NSD1: variants seen among roughly 807,000 people sequenced by gnomAD.
NSD1 encodes the protein histone-lysine N-methyltransferase, H3 lysine-36 specific.
A neutral mutation model predicts 242.7 loss-of-function variants in NSD1; 26 were observed. The ratio of observed to expected loss-of-function variants is 0.11; its 90% CI spans 0.08 to 0.15. The LOEUF (loss-of-function observed/expected upper bound fraction) is 0.15. NSD1 is among the 10% of genes least tolerant of loss of function. NSD1 has a pLI of 1.00. For synonymous variants in NSD1, 1,106 were observed against 1,178.1 expected (o/e 0.94, Z 1.25); for missense variants, 2,495 against 3,272.8 (o/e 0.76, Z 5.80).
chr5:177,173,593 C>G lies in NSD1; in HGVS notation c.928-18291C>G, dbSNP rs186926466. ...GGTTCAAGCAATTCTCCTGCCTCAG[C>G]CTCCTGAGTAGCTGGGGTTACAGGC... On this transcript the variant is annotated intron_variant, in intron 2 of 22. Transcript: ENST00000439151. Among the ~76,000 whole-genome samples, 9 of 151,438 alleles carry G rather than the reference C, an allele frequency of 5.9e-5. No individual in the cohort carries two copies. The East Asian group carries it at 1.8e-3, about 30-fold the overall frequency.
At chr5:177,237,535 T>C (rs1026240037) in intron 6 of NSD1, among the ~76,000 whole-genome samples, 15 of 143,738 alleles carry the variant, frequency 1.0e-4, no homozygotes, top group Non-Finnish European at 2.1e-4. Context: ...TTTTATCTTT[T>C]TTTTTTTTTT....
At chr5:177,184,903 A>G (rs952846672) in intron 2 of NSD1, among the ~76,000 whole-genome samples, 8 of 152,238 alleles carry the variant, frequency 5.3e-5, no homozygotes, top group East Asian at 3.9e-4. Flanking sequence ...ATTCTTAAAT[A>G]TGGGTAGTTT....
At chr5:177,174,132 C>T (rs530028215) in intron 2 of NSD1, among the ~76,000 whole-genome samples, 24 of 151,932 alleles carry the variant, frequency 1.6e-4, no homozygotes, top group Admixed American at 8.5e-4. Context: ...TTTGGGAGTC[C>T]GAGGCGGGTG....
intron 2 of NSD1, among the ~76,000 whole-genome samples, chr5:177,183,282 A>G (rs147422628): frequency 2.6e-5 from 4 of 152,236 alleles, no homozygotes; most frequent in South Asian, 2.1e-4. Flanking sequence ...TCTAACTTTT[A>G]TATATGTATT....
chr5:177,247,643 ACTT>A (rs1287884764), intron 10 of NSD1, among the ~76,000 whole-genome samples: 1 of 152,096 alleles, frequency 6.6e-6, no homozygotes, highest in Non-Finnish European at 1.5e-5. Flanking sequence ...ACCATCAGCT[ACTT>A]AATCTTAGGA....
chr5:177,192,119 T>G (rs1305165930), intron 3 of NSD1, 100 bp downstream of exon 3: 4 of 1,085,176 alleles, frequency 3.7e-6, no homozygotes, highest in Non-Finnish European at 5.2e-6. Context: ...TTGGAACATT[T>G]TGTGAATGAA....
At position 177,211,498 on chromosome 5, in the gene NSD1, T is replaced by C. The variant is rs755053762; in HGVS notation, c.3099T>C (p.Ala1033=). 3.1e-6 allele frequency: 5 copies of C among 1,614,080 alleles called. No homozygotes were observed. The highest frequency in any genetic ancestry group is 4.2e-6 in the Non-Finnish European group (5 of 1,180,016). ...RSKPSSKLRD[A]FSAQMVKNTV... ...AGCCTTCATCCAAATTGCGAGATGCTTTTTCAGCCCAAATGGTAAAGAACA... is the reference window on the plus strand; with the variant it reads ...AGCCTTCATCCAAATTGCGAGATGCCTTTTCAGCCCAAATGGTAAAGAACA... Residue 1033 remains alanine, a synonymous_variant, in exon 5 of 23, where the codon GCT becomes GCC. Coordinates refer to ENST00000439151, the MANE Select transcript of NSD1 (RefSeq NM_022455.5).
At position 177,294,878 on chromosome 5, in the gene NSD1, G is replaced by T. The variant is rs1005975383; in HGVS notation, c.7510G>T (p.Val2504Phe). The T allele has an allele frequency of 1.2e-5, 20 of 1,613,474 alleles. No homozygotes were observed. Among genetic ancestry groups the T allele is most frequent in the Admixed American group, 3.3e-5 (2 of 59,990 alleles). ...SKGLGHMPRA[V>F]EKGCVSDPLQ... ...AGGTCTGGGGCATATGCCGAGAGCT[G>T]TTGAGAAAGGCTGTGTGTCAGATCC... Residue 2504 changes from valine (V) to phenylalanine (F), a missense_variant, in exon 23 of 23, where the codon GTT (valine) becomes TTT (phenylalanine). Physicochemically the swap from Val to Phe is conservative, Grantham distance 50 (BLOSUM62 -1). This residue lies in a region of NSD1 where 475 missense variants were observed against 563.7 expected (regional missense o/e 0.84). Coordinates refer to ENST00000439151, the MANE Select transcript of NSD1 (RefSeq NM_022455.5).
intron 2 of NSD1, among the ~76,000 whole-genome samples, chr5:177,177,644 A>ACCCT (rs918119302): frequency 6.6e-6 from 1 of 152,048 alleles, no homozygotes; most frequent in Non-Finnish European, 1.5e-5. Flanking sequence ...ATTCATTCAT[A>ACCCT]CCCTGTCTTT....
rs185861383 is a variant in NSD1 at position 177,196,934 on chromosome 5, T to C, written c.1063+4915T>C. 5.3e-5 allele frequency among the ~76,000 whole-genome samples: 8 copies of C among 152,342 alleles called. No homozygotes were observed. In the East Asian group the frequency reaches 1.5e-3, roughly 29 times the overall value. On this transcript the variant is annotated intron_variant, in intron 3 of 22. Coordinates refer to ENST00000439151, the MANE Select transcript of NSD1 (RefSeq NM_022455.5). The stretch of plus-strand genomic sequence containing the variant: ...ACTGAATCCCATATATATAATGTTT[T>C]TCCTGTACATACATACCTATTATAA...
At chr5:177,291,008 T>G (rs1178984151) in intron 21 of NSD1, among the ~76,000 whole-genome samples, 1 of 152,202 alleles carries the variant, frequency 6.6e-6, no homozygotes. Flanking sequence ...TCTTAGTAGA[T>G]ACTGGTCTGT....
In NSD1 at chr5:177,246,689, A is replaced by G. The variant is rs762296173; in HGVS notation, c.4390A>G (p.Ile1464Val). The change falls in exon 10 of 23, where the codon ATA becomes GTA. Residue 1464 changes from isoleucine (I) to valine (V), a missense_variant. Around this residue, in one of 19 missense-constraint regions of NSD1, gnomAD observed 97 missense variants for 97.7 expected, o/e 0.99. Coordinates refer to ENST00000439151, the MANE Select transcript of NSD1 (RefSeq NM_022455.5). ...SKDFGGGTTKIFDKPRKRKRQ... is the reference protein window; with the variant it reads ...SKDFGGGTTKVFDKPRKRKRQ... ...TTTTCCTGTCATAGGCACTACCAAG[A>G]TATTTGACAAGCCAAGGAAGCGAAA... 3 of 1,613,714 alleles carry G rather than the reference A, an allele frequency of 1.9e-6. No individual in the cohort carries two copies. Among genetic ancestry groups the G allele is most frequent in the South Asian group, 2.2e-5 (2 of 91,076 alleles).
intron 5 of NSD1, chr5:177,229,685 T>C: frequency 2.8e-6 from 1 of 356,340 alleles, no homozygotes; most frequent in Non-Finnish European, 5.4e-6. Flanking sequence ...GGAGTTGGGG[T>C]AGTTGAGGCA....
At chr5:177,290,564 C>T (rs1759740973) in intron 21 of NSD1, among the ~76,000 whole-genome samples, 1 of 152,178 alleles carries the variant, frequency 6.6e-6, no homozygotes, top group Non-Finnish European at 1.5e-5. Flanking sequence ...CCTGCCACCA[C>T]ACCTGGCTAA....
In NSD1 at chr5:177,297,619, A is replaced by C. The variant is rs144806239; in HGVS notation, c.*2160A>C. The C allele has an allele frequency of 9.1e-3, 1,375 of 150,692 alleles. 2 individuals are homozygous for C. The highest frequency in any genetic ancestry group is 0.015 in the Admixed American group (136 of 9,260). 9.3% of individuals were successfully genotyped at this position (150,692 alleles called of 1,614,324 possible). On this transcript the variant is annotated 3_prime_UTR_variant, in exon 23 of 23. Transcript: ENST00000439151. Reference sequence around the variant, plus strand: ...CTCCTTTCACTATGTTGTGTGTTAAATTACCGTAGCTCTTTGTTTCATGAA... The same window carrying C: ...CTCCTTTCACTATGTTGTGTGTTAACTTACCGTAGCTCTTTGTTTCATGAA...
At chr5:177,249,200 G>A (rs189788072) in intron 11 of NSD1, among the ~76,000 whole-genome samples, 4 of 152,176 alleles carry the variant, frequency 2.6e-5, no homozygotes, top group Admixed American at 1.3e-4. Context: ...TAGGCAATGC[G>A]CAGTGGCTCA....
At chr5:177,145,431 A>G (rs1171536520) in intron 2 of NSD1, among the ~76,000 whole-genome samples, 3 of 152,090 alleles carry the variant, frequency 2.0e-5, no homozygotes, top group Non-Finnish European at 4.4e-5. Flanking sequence ...GGCCCATGCC[A>G]CCACGCCTGG....
chr5:177,238,140 G>GTCAGAATT lies in NSD1; in HGVS notation c.3922-93_3922-86dup, dbSNP rs1256399408. 1.3e-5 allele frequency: 18 copies of GTCAGAATT among 1,385,694 alleles called. No individual in the cohort carries two copies. The highest frequency in any genetic ancestry group is 1.8e-5 in the Non-Finnish European group (18 of 975,898). The allele number at this position is 1,385,694 out of a possible 1,614,324, so 85.8% of individuals were successfully genotyped here. A position where few individuals can be genotyped will look rare whatever the true frequency, so the allele number is the denominator to read the frequency against. On this transcript the variant is annotated intron_variant, in intron 6 of 22. Transcript: ENST00000439151. The surrounding 1 kb of genome is among the most constrained non-coding windows in gnomAD (Gnocchi z 4.6). ...GGTTCATCCACTTTTTGTAGCCTTT[G>GTCAGAATT]TCAGAATTTCATTCCTTTTAAAGTG...
At position 177,210,823 on chromosome 5, in the gene NSD1, G is replaced by C; in HGVS notation, c.2424G>C (p.Glu808Asp). The C allele has an allele frequency of 6.2e-7, 1 of 1,614,172 alleles. No individual in the cohort carries two copies. The stretch of plus-strand genomic sequence containing the variant: ...TGGCAGAACCCCCAGTTATAAATGA[G>C]GAGTGCAGTTTGAAATGCTGCTCTT... ...PVMAEPPVIN[E>D]ECSLKCCSSD... is the part of the protein sequence containing the mutation. Residue 808 changes from glutamate to aspartate, a missense_variant, in exon 5 of 23, where the codon GAG (glutamate) becomes GAC (aspartate). By Grantham distance (45) the Glu-to-Asp change is conservative. Transcript: ENST00000439151.
Sources: gnomAD v4.1 joint callset for allele counts (sites outside exome capture counted in the v4.1 genomes callset) on GRCh38, gnomAD v4.1.1 for gene constraint, gnomAD v4.1.1 regional missense constraint, Gnocchi (gnomAD v3.1) non-coding constraint, MANE v1.5 for transcripts, NCBI Gene and HGNC (gene_info 2026-07-23, HGNC 2026-07-21) for gene names.